The following ATE1 variants were observed in gnomAD, a reference collection of about 807,000 sequenced individuals.
ATE1 encodes the protein arginyl-tRNA--protein transferase 1.
A neutral mutation model predicts 70.5 loss-of-function variants in ATE1; 36 were observed. The observed-to-expected ratio is 0.51, with a 90% CI of 0.39 to 0.67. The LOEUF is 0.67. Among genes scored for constraint, ATE1 ranks in the 30% least tolerant of loss-of-function variants. The pLI, the probability that ATE1 is intolerant of heterozygous loss-of-function variation, is 0.00. For synonymous variants in ATE1, 232 were observed against 219.3 expected, an observed-to-expected ratio of 1.06 and a Z score of -0.51; for missense variants, 593 against 629.5, an observed-to-expected ratio of 0.94 and a Z score of 0.62.
At chr10:121,859,652 G>A (rs1311736654) in intron 8 of ATE1, among the ~76,000 whole-genome samples, 1 of 152,114 alleles carries the variant, frequency 6.6e-6, no homozygotes, top group Admixed American at 6.5e-5. Context: ...TGTAAGACTT[G>A]ATTTTTAGGC....
At chr10:121,846,622 T>C (rs1002679736) in intron 8 of ATE1, 1 of 152,152 alleles carries the variant, frequency 6.6e-6, no homozygotes, top group Non-Finnish European at 1.5e-5. Flanking sequence ...GGCAGTGGTG[T>C]TTACGACTAA....
In ATE1 at chr10:121,743,820, C is replaced by A; in HGVS notation, c.1417G>T (p.Val473Leu). ...GGCATGATGGCTCTCTTGTGAAACA[C>A]CTGCAATCGGTCAGGTTCCGTACTG... ...DRSTEPDRLQ[V>L]FHKRAIMPYG... The change falls in exon 12 of 12, where the codon GTG becomes TTG. Residue 473 changes from valine to leucine, a missense_variant. Physicochemically the swap from Val to Leu is conservative, Grantham distance 32 (BLOSUM62 1). Coordinates refer to ENST00000224652, the MANE Select transcript of ATE1 (RefSeq NM_001001976.3). 1 of 1,613,906 alleles carries A rather than the reference C, an allele frequency of 6.2e-7. No homozygotes were observed. The highest frequency in any genetic ancestry group is 1.1e-5 in the South Asian group (1 of 91,032).
At chr10:121,750,295 C>G (rs943948058) in intron 11 of ATE1, among the ~76,000 whole-genome samples, 9 of 152,158 alleles carry the variant, frequency 5.9e-5, no homozygotes, top group African/African-American at 2.2e-4. Flanking sequence ...GACCATGTGC[C>G]ATTTCATCTA....
chr10:121,859,295 C>T (rs1309299741), intron 8 of ATE1, among the ~76,000 whole-genome samples: 3 of 146,506 alleles, frequency 2.0e-5, no homozygotes, highest in Admixed American at 6.8e-5. Context: ...CTCAGTCTGT[C>T]GCCCAGGCTG....
In ATE1 at chr10:121,863,498, G is replaced by A. The variant is rs566372499; in HGVS notation, c.975+6508C>T. Among the ~76,000 whole-genome samples, 9 of 152,092 alleles carry A rather than the reference G, an allele frequency of 5.9e-5. No individual in the cohort carries two copies. In the South Asian group the frequency reaches 1.5e-3, roughly 25 times the overall value. On this transcript the variant is annotated intron_variant, in intron 8 of 11. Coordinates refer to ENST00000224652, the MANE Select transcript of ATE1 (RefSeq NM_001001976.3). ...GAACTCCTGACCTTGTGATCCACCT[G>A]CCTCGACCTCCAAAAGTGCTGGGAT...
chr10:121,794,953 A>G (rs1258925230), intron 10 of ATE1, among the ~76,000 whole-genome samples: 1 of 152,218 alleles, frequency 6.6e-6, no homozygotes, highest in Non-Finnish European at 1.5e-5. Flanking sequence ...CTGACCATCA[A>G]GAACATTTAG....
chr10:121,788,574 G>A (rs1345526213), intron 11 of ATE1, among the ~76,000 whole-genome samples: 2 of 152,136 alleles, frequency 1.3e-5, no homozygotes, highest in Non-Finnish European at 2.9e-5. Flanking sequence ...GCACATCTTA[G>A]AACTGAAGAA....
intron 8 of ATE1, among the ~76,000 whole-genome samples, chr10:121,843,385 T>C (rs184546489): frequency 6.6e-6 from 1 of 152,344 alleles, no homozygotes; most frequent in Admixed American, 6.5e-5. Flanking sequence ...ATACATTTAA[T>C]GTAATCACAA....
chr10:121,873,373 A>G (rs562991826), intron 7 of ATE1, among the ~76,000 whole-genome samples: 1 of 152,294 alleles, frequency 6.6e-6, no homozygotes, highest in Non-Finnish European at 1.5e-5. Flanking sequence ...CTCACGCTCC[A>G]CAGCTTCTTA....
intron 10 of ATE1, among the ~76,000 whole-genome samples, chr10:121,807,472 G>A (rs1022403115): frequency 2.6e-5 from 4 of 152,148 alleles, no homozygotes; most frequent in Admixed American, 6.5e-5. Flanking sequence ...GGTAATACAT[G>A]TTCTAGAGAC....
intron 10 of ATE1, among the ~76,000 whole-genome samples, chr10:121,791,027 T>C (rs967087270): frequency 2.7e-5 from 4 of 150,828 alleles, no homozygotes; most frequent in Non-Finnish European, 4.4e-5. Flanking sequence ...TGTGTGTATA[T>C]ATGTATATAT....
At chr10:121,896,734 G>A (rs533444263) in intron 7 of ATE1, among the ~76,000 whole-genome samples, 16 of 150,166 alleles carry the variant, frequency 1.1e-4, no homozygotes, top group African/African-American at 2.2e-4. Flanking sequence ...GCTTGAACCC[G>A]GGAGGCAAAG....
At chr10:121,878,949 C>T (rs957087584) in intron 7 of ATE1, among the ~76,000 whole-genome samples, 3 of 152,194 alleles carry the variant, frequency 2.0e-5, no homozygotes, top group Admixed American at 6.5e-5. Flanking sequence ...AACAAGAAAG[C>T]AATAAAATCC....
chr10:121,898,028 A>G (rs1950844585), intron 7 of ATE1, among the ~76,000 whole-genome samples: 1 of 151,986 alleles, frequency 6.6e-6, no homozygotes, highest in Non-Finnish European at 1.5e-5. Flanking sequence ...CGTGTCATTA[A>G]AAAAACAAAA....
At chr10:121,926,646 CTTA>C (rs1360917583) in intron 1 of ATE1, 1 of 842,746 alleles carries the variant, frequency 1.2e-6, no homozygotes, top group Non-Finnish European at 1.4e-6. Flanking sequence ...TTTAATGTAA[CTTA>C]TTGATTTGAT....
intron 11 of ATE1, among the ~76,000 whole-genome samples, chr10:121,747,057 A>G (rs1392550543): frequency 6.6e-6 from 1 of 152,224 alleles, no homozygotes; most frequent in Non-Finnish European, 1.5e-5. Flanking sequence ...AAGAAGTTCT[A>G]CACTGGCAGA....
At chr10:121,775,412 C>G (rs916410067) in intron 11 of ATE1, among the ~76,000 whole-genome samples, 15 of 151,982 alleles carry the variant, frequency 9.9e-5, no homozygotes, top group African/African-American at 3.6e-4. Flanking sequence ...CAGCAAACCA[C>G]GGTGGCACAT....
intron 7 of ATE1, among the ~76,000 whole-genome samples, chr10:121,875,546 C>G (rs1284948532): frequency 6.6e-6 from 1 of 152,044 alleles, no homozygotes; most frequent in African/African-American, 2.4e-5. Flanking sequence ...CTCAGGTGAT[C>G]TGCCCGCCTC....
intron 11 of ATE1, among the ~76,000 whole-genome samples, chr10:121,748,675 C>T (rs1944462817): frequency 6.6e-6 from 1 of 151,690 alleles, no homozygotes; most frequent in African/African-American, 2.4e-5. Flanking sequence ...ACCCAAAACA[C>T]TTTTGAGGCC....
Sources: allele counts gnomAD v4.1 joint callset (sites outside exome capture counted in the v4.1 genomes callset), GRCh38; gene constraint gnomAD v4.1.1; transcripts MANE v1.5; gene names NCBI Gene and HGNC (gene_info 2026-07-23, HGNC 2026-07-21).